KIAA0513: variants seen among roughly 807,000 people sequenced by gnomAD.
KIAA0513 encodes the protein KIAA0513.
In KIAA0513, 39 loss-of-function variants were observed where a neutral mutation model predicts 56.5. The ratio of observed to expected loss-of-function variants is 0.69; its 90% CI spans 0.53 to 0.90. KIAA0513 has a LOEUF of 0.90. Among genes scored for constraint, KIAA0513 ranks in the 40% least tolerant of loss-of-function variants. The probability of loss-of-function intolerance (pLI) is 0.00; values close to 1 mark genes in which losing one functional copy is unlikely to be tolerated. For synonymous variants in KIAA0513, 268 were observed against 215.6 expected (o/e 1.24, Z -2.13); for missense variants, 591 against 535.2 (o/e 1.10, Z -1.03).
At chr16:85,035,555 A>G (rs1037136231) in intron 1 of KIAA0513, among the ~76,000 whole-genome samples, 12 of 152,186 alleles carry the variant, frequency 7.9e-5, no homozygotes, top group African/African-American at 2.9e-4. Flanking sequence ...CAGTGGTGCA[A>G]TCACCGCTCA....
In KIAA0513 at chr16:85,088,422, C is replaced by A; in HGVS notation, c.*97C>A. ...ACCCCACCCGATGACCTGCATGAAG[C>A]CAGCAGCACCCAGAGCCACTCCTGC... On this transcript the variant is annotated 3_prime_UTR_variant, in exon 13 of 13. Coordinates refer to ENST00000683363, the MANE Select transcript of KIAA0513 (RefSeq NM_001388359.1). 2.0e-6 allele frequency: 2 copies of A among 995,956 alleles called. No homozygotes were observed. The highest frequency in any genetic ancestry group is 3.1e-6 in the Non-Finnish European group (2 of 643,198). 61.7% of individuals were successfully genotyped at this position (995,956 alleles called of 1,614,324 possible).
intron 1 of KIAA0513, among the ~76,000 whole-genome samples, chr16:85,042,491 G>T (rs1364742747): frequency 1.3e-5 from 2 of 152,126 alleles, no homozygotes; most frequent in South Asian, 2.1e-4. Flanking sequence ...CCCTCTGCTT[G>T]GGTTTATCTA....
chr16:85,041,916 A>G (rs2073108733), intron 1 of KIAA0513, among the ~76,000 whole-genome samples: 1 of 152,102 alleles, frequency 6.6e-6, no homozygotes, highest in East Asian at 1.9e-4. Context: ...TCTTGAAACG[A>G]TTCCCGGGAT....
At chr16:85,055,190 C>T (rs2073311270) in intron 1 of KIAA0513, among the ~76,000 whole-genome samples, 1 of 152,008 alleles carries the variant, frequency 6.6e-6, no homozygotes, top group East Asian at 1.9e-4. Context: ...TCTCAAAGTG[C>T]TGGGATTACA....
At chr16:85,065,033 T>C (rs1024278628) in intron 1 of KIAA0513, among the ~76,000 whole-genome samples, 4 of 152,266 alleles carry the variant, frequency 2.6e-5, no homozygotes, top group African/African-American at 9.6e-5. Flanking sequence ...GTGGTTTGTG[T>C]AGCTGTTAGA....
intron 1 of KIAA0513, among the ~76,000 whole-genome samples, chr16:85,046,406 CA>C (rs1453688238): frequency 6.6e-6 from 1 of 152,204 alleles, no homozygotes; most frequent in African/African-American, 2.4e-5. Context: ...TAAATTCTCC[CA>C]CCTCCTTTCC....
At chr16:85,082,742 C>A in intron 10 of KIAA0513, 149 bp downstream of exon 10, 1 of 771,298 alleles carries the variant, frequency 1.3e-6, no homozygotes, top group Non-Finnish European at 2.1e-6. Context: ...GGAGGGCGGC[C>A]CTGGGGAGGT....
intron 3 of KIAA0513, 85 bp downstream of exon 3, chr16:85,071,967 A>G (rs867915832): frequency 8.4e-5 from 75 of 897,286 alleles, no homozygotes; most frequent in East Asian, 4.7e-4. Context: ...TTATCCTACA[A>G]TGACACTCTG....
chr16:85,065,435 C>G (rs781174509), intron 1 of KIAA0513, among the ~76,000 whole-genome samples: 11 of 152,210 alleles, frequency 7.2e-5, no homozygotes, highest in Admixed American at 2.0e-4. Context: ...TTATGCTTCT[C>G]TCTTGTGGAC....
Position 85,081,916 on chromosome 16 carries a change from C to G in KIAA0513, c.980+524C>G, listed in dbSNP as rs576074830. ...AGGGGAGGGGCTGGCACCCACCCCA[C>G]GGGGGCCGATGCCATAGCAAGCAAA... is the stretch of plus-strand genomic sequence containing the variant. On this transcript the variant is annotated intron_variant, in intron 9 of 12. Coordinates refer to ENST00000683363, the MANE Select transcript of KIAA0513 (RefSeq NM_001388359.1). The surrounding 1 kb of genome is among the most constrained non-coding windows in gnomAD (Gnocchi z 4.4). 6.6e-6 allele frequency among the ~76,000 whole-genome samples: 1 copy of G among 152,222 alleles called. No individual in the cohort carries two copies. The highest frequency in any genetic ancestry group is 2.4e-5 in the African/African-American group (1 of 41,462).
chr16:85,050,324 GATAT>G (rs1322419181), intron 1 of KIAA0513, among the ~76,000 whole-genome samples: 1 of 133,640 alleles, frequency 7.5e-6, no homozygotes, highest in Non-Finnish European at 1.6e-5. Context: ...GCTGTTGATT[GATAT>G]TTATTTATTT....
intron 10 of KIAA0513, among the ~76,000 whole-genome samples, chr16:85,084,453 G>C (rs1451938242): frequency 2.2e-5 from 3 of 134,116 alleles, no homozygotes; most frequent in Non-Finnish European, 4.6e-5. Flanking sequence ...TTTTGAGATG[G>C]AGTTTTGCTC....
intron 10 of KIAA0513, among the ~76,000 whole-genome samples, chr16:85,084,056 A>ATTTT (rs66814882): frequency 1.4e-5 from 1 of 70,772 alleles, no homozygotes; most frequent in African/African-American, 5.9e-5. Context: ...AACTCTTCTA[A>ATTTT]TTTTTTTTTT....
chr16:85,054,848 C>T (rs370793265), intron 1 of KIAA0513, among the ~76,000 whole-genome samples: 36 of 151,958 alleles, frequency 2.4e-4, no homozygotes, highest in East Asian at 1.2e-3. Context: ...CGTCCTGGCG[C>T]GGGTGGTGGC....
intron 1 of KIAA0513, among the ~76,000 whole-genome samples, chr16:85,037,891 G>A (rs2143852429): frequency 6.6e-6 from 1 of 152,280 alleles, no homozygotes; most frequent in African/African-American, 2.4e-5. Flanking sequence ...AGAGCAGAGG[G>A]GCCCCGTGAG....
chr16:85,039,802 C>T (rs1044642569), intron 1 of KIAA0513, among the ~76,000 whole-genome samples: 4 of 151,504 alleles, frequency 2.6e-5, no homozygotes, highest in Admixed American at 2.0e-4. Flanking sequence ...TTGGTTTTTC[C>T]GGATGATGCT....
At position 85,075,904 on chromosome 16, in the gene KIAA0513, C is replaced by G; in HGVS notation, c.564C>G (p.Tyr188Ter). The G allele has an allele frequency of 1.2e-6, 2 of 1,613,434 alleles. No individual in the cohort carries two copies. The highest frequency in any genetic ancestry group is 1.7e-6 in the Non-Finnish European group (2 of 1,179,346). Residue 188 changes from tyrosine (Y) to a stop codon, truncating the protein, a stop_gained, in exon 5 of 13, where the codon TAC (tyrosine) becomes TAG (stop). Transcript: ENST00000683363. LOFTEE classifies it high-confidence loss of function. The stretch of plus-strand genomic sequence containing the variant: ...ACCTCATGACCATGTGCTTCACCTA[C>G]TACCACATCGGTAAGACATGGGTGG... ...AKNLMTMCFT[Y>*]YHIGKPQLLP...
At chr16:85,029,327 G>T (rs1358258178) in intron 1 of KIAA0513, among the ~76,000 whole-genome samples, 3 of 152,192 alleles carry the variant, frequency 2.0e-5, no homozygotes, top group Non-Finnish European at 4.4e-5. Context: ...TTCTGGCCCT[G>T]TTTGCCTTTT....
At chr16:85,072,716 G>A (rs1207952155) in intron 3 of KIAA0513, among the ~76,000 whole-genome samples, 1 of 152,180 alleles carries the variant, frequency 6.6e-6, no homozygotes, top group East Asian at 1.9e-4. Context: ...CCCTGCATGT[G>A]CCCTGCCCAG....
Sources: gnomAD v4.1 joint callset for allele counts (sites outside exome capture counted in the v4.1 genomes callset) on GRCh38, gnomAD v4.1.1 for gene constraint, Gnocchi (gnomAD v3.1) non-coding constraint, MANE v1.5 for transcripts, NCBI Gene and HGNC (gene_info 2026-07-23, HGNC 2026-07-21) for gene names.